Variants in NOTCH2 observed in about 807,000 individuals in gnomAD.
The protein encoded by NOTCH2 is neurogenic locus notch homolog protein 2.
A neutral mutation model predicts 235.8 loss-of-function variants in NOTCH2; 29 were observed. That is an observed-to-expected ratio of 0.12 (90% CI 0.09 to 0.17). NOTCH2 has a LOEUF of 0.17. NOTCH2 is among the 10% of genes least tolerant of loss of function. The pLI is 1.00. For missense variants in NOTCH2, 2,285 were observed against 3,150.2 expected (o/e 0.73, Z 6.57); for synonymous variants, 1,086 against 1,141.5 (o/e 0.95, Z 0.98).
chr1:119,959,322 A>T, intron 12 of NOTCH2, 70 bp downstream of exon 12: 1 of 861,582 alleles, frequency 1.2e-6, no homozygotes, highest in Non-Finnish European at 2.0e-6. Flanking sequence ...GAAAAGCAAT[A>T]TTCCTTTGGA....
At chr1:119,951,056 A>G (rs1553197745) in intron 14 of NOTCH2, among the ~76,000 whole-genome samples, 1 of 152,242 alleles carries the variant, frequency 6.6e-6, no homozygotes, top group Admixed American at 6.5e-5. Flanking sequence ...AAAACAGTCT[A>G]TTCTAATGAT....
intron 2 of NOTCH2, among the ~76,000 whole-genome samples, chr1:120,023,298 G>A (rs1391504359): frequency 1.1e-4 from 17 of 151,134 alleles, no homozygotes; most frequent in African/African-American, 3.6e-4. Flanking sequence ...TTAGCCGGGC[G>A]TGGTGGCGGG....
intron 33 of NOTCH2, among the ~76,000 whole-genome samples, chr1:119,917,370 T>C (rs1311941947): frequency 2.0e-5 from 3 of 152,056 alleles, no homozygotes; most frequent in Non-Finnish European, 4.4e-5. Flanking sequence ...GAAGTGATTA[T>C]GAACAGAAGA....
chr1:119,932,603 A>ATATCTAT (rs1649705606), intron 22 of NOTCH2, among the ~76,000 whole-genome samples: 1 of 138,088 alleles, frequency 7.2e-6, no homozygotes, highest in Non-Finnish European at 1.5e-5. Flanking sequence ...AAACAAACAA[A>ATATCTAT]CAAATATCTA....
chr1:119,944,732 A>G (rs1553196870), intron 17 of NOTCH2, among the ~76,000 whole-genome samples: 1 of 152,178 alleles, frequency 6.6e-6, no homozygotes, highest in East Asian at 1.9e-4. Context: ...GGATAGCTTT[A>G]AAGTGCTGAA....
rs1649454930 is a variant in NOTCH2 at position 119,925,810 on chromosome 1, C to G, written c.4006G>C (p.Gly1336Arg). 3 of 1,614,036 alleles carry G rather than the reference C, an allele frequency of 1.9e-6. No individual in the cohort carries two copies. The highest frequency in any genetic ancestry group is 2.5e-6 in the Non-Finnish European group (3 of 1,180,004). The change falls in exon 25 of 34, where the codon GGA (glycine) becomes CGA (arginine). Residue 1336 changes from glycine (G) to arginine (R), a missense_variant and splice_region_variant. By Grantham distance (125) the Gly-to-Arg change is moderately radical. This residue lies in a region of NOTCH2 where 1,173 missense variants were observed against 1,515.3 expected (regional missense o/e 0.77). Transcript: ENST00000256646. ...CTCTGGCACCTTGCCCCGGAAAATCCCTGTGGAAATCAGTGAGGAAATAAA... is the reference window on the plus strand; with the variant it reads ...CTCTGGCACCTTGCCCCGGAAAATCGCTGTGGAAATCAGTGAGGAAATAAA... Reference protein sequence around the residue: ...PDGFICRCPPGFSGARCQSSC... With the variant: ...PDGFICRCPPRFSGARCQSSC...
At chr1:119,976,680 T>G (rs1268313063) in intron 5 of NOTCH2, among the ~76,000 whole-genome samples, 2 of 152,138 alleles carry the variant, frequency 1.3e-5, no homozygotes, top group Non-Finnish European at 2.9e-5. Context: ...TGATGAATTA[T>G]TTTGCATTTA....
At chr1:119,968,646 G>A (rs184387614) in intron 6 of NOTCH2, among the ~76,000 whole-genome samples, 26 of 152,204 alleles carry the variant, frequency 1.7e-4, no homozygotes, top group African/African-American at 6.0e-4. Flanking sequence ...TATTTTATCC[G>A]GAATCCTACT....
chr1:119,971,553 G>A (rs1416834521), intron 5 of NOTCH2, among the ~76,000 whole-genome samples: 3 of 152,130 alleles, frequency 2.0e-5, no homozygotes, highest in Admixed American at 2.0e-4. Context: ...AGGCACAGTG[G>A]CTCACACCTG....
In NOTCH2 at chr1:119,920,348, C is replaced by T. The variant is rs1317975644; in HGVS notation, c.5360G>A (p.Arg1787Gln). ...LSEEDDPIDR[R>Q]PWTQQHLEAA... is the part of the protein sequence containing the mutation. ...TTCAAGGTGCTGCTGTGTCCATGGC[C>T]GTCGATCAATGGGGTCATCTTCTTC... Residue 1787 changes from arginine (R) to glutamine (Q), a missense_variant, in exon 30 of 34, where the codon CGG (arginine) becomes CAG (glutamine). By Grantham distance (43) the Arg-to-Gln change is conservative (BLOSUM62 1). Around this residue, in one of 6 missense-constraint regions of NOTCH2, gnomAD observed 1,173 missense variants for 1,515.3 expected, o/e 0.77. Coordinates refer to ENST00000256646, the MANE Select transcript of NOTCH2 (RefSeq NM_024408.4). 4.3e-6 allele frequency: 7 copies of T among 1,614,156 alleles called. No homozygotes were observed. Among genetic ancestry groups the T allele is most frequent in the African/African-American group, 1.3e-5 (1 of 75,022 alleles).
chr1:119,923,763 C>A lies in NOTCH2; in HGVS notation c.4733G>T (p.Arg1578Leu), dbSNP rs751299682. Residue 1578 changes from arginine to leucine, a missense_variant, in exon 26 of 34, where the codon CGC becomes CTC. This residue lies in a region of NOTCH2 where 1,173 missense variants were observed against 1,515.3 expected (regional missense o/e 0.77). Coordinates refer to ENST00000256646, the MANE Select transcript of NOTCH2 (RefSeq NM_024408.4). ...ALGTLLHTNL[R>L]IKRDSQGELM... ...TTCCCCCTGGGAGTCCCGCTTAATG[C>A]GCAGGTTGGTGTGGAGCAGGGTACC... 1.2e-6 allele frequency: 2 copies of A among 1,614,154 alleles called. No homozygotes were observed. The highest frequency in any genetic ancestry group is 2.2e-5 in the East Asian group (1 of 44,880).
Position 119,947,399 on chromosome 1 carries a change from C to T in NOTCH2, c.2752+1015G>A, listed in dbSNP as rs587773416. ...AACGAAGATAGGCAGATGGGCAAAG[C>T]ACACGAAATGATGCTTAACATCATT... On this transcript the variant is annotated intron_variant, in intron 17 of 33. Transcript: ENST00000256646. 2.0e-5 allele frequency among the ~76,000 whole-genome samples: 3 copies of T among 152,236 alleles called. No individual in the cohort carries two copies. In the East Asian group the frequency reaches 5.8e-4, roughly 29 times the overall value.
Position 119,920,296 on chromosome 1 carries a change from C to G in NOTCH2, c.5412G>C (p.Ser1804=). The change falls in exon 30 of 34, where the codon TCG becomes TCC. Residue 1804 remains serine (S), a synonymous_variant. Transcript: ENST00000256646. The part of the protein sequence containing the change: ...LEAADIRRTP[S]LALTPPQAEQ... ...CTGCCTGAGGAGGGGTGAGAGCCAG[C>G]GATGGTGTCCTACGGATGTCTGCAG... 6.2e-7 allele frequency: 1 copy of G among 1,614,140 alleles called. No homozygotes were observed. Among genetic ancestry groups the G allele is most frequent in the Non-Finnish European group, 8.5e-7 (1 of 1,180,004 alleles).
chr1:120,041,041 CAAAAAAAA>C (rs71586698), intron 1 of NOTCH2, among the ~76,000 whole-genome samples: 5 of 15,658 alleles, frequency 3.2e-4, no homozygotes, highest in African/African-American at 1.1e-3. Flanking sequence ...ACTCTGCCTG[CAAAAAAAA>C]AAAAAAAAAA....
intron 12 of NOTCH2, among the ~76,000 whole-genome samples, chr1:119,956,666 T>A (rs1650712927): frequency 1.3e-5 from 2 of 152,226 alleles, no homozygotes; most frequent in Admixed American, 6.5e-5. Context: ...AACCACACAG[T>A]TAGCCTCGGC....
chr1:119,957,641 A>G (rs754207430), intron 12 of NOTCH2, among the ~76,000 whole-genome samples: 30 of 152,164 alleles, frequency 2.0e-4, no homozygotes, highest in Non-Finnish European at 3.4e-4. Flanking sequence ...TGAACAGGGG[A>G]CCACCTAGTA....
At chr1:120,003,816 T>C (rs1652856463) in intron 3 of NOTCH2, among the ~76,000 whole-genome samples, 2 of 150,956 alleles carry the variant, frequency 1.3e-5, no homozygotes, top group Non-Finnish European at 3.0e-5. Context: ...CATTGGACAA[T>C]CACCAGTTGT....
intron 25 of NOTCH2, among the ~76,000 whole-genome samples, chr1:119,924,351 C>T (rs587698466): frequency 6.6e-4 from 100 of 152,268 alleles, no homozygotes; most frequent in Non-Finnish European, 1.1e-3. Flanking sequence ...AAGGTAACAA[C>T]GGGCTTTAGG....
intron 17 of NOTCH2, among the ~76,000 whole-genome samples, chr1:119,942,229 C>G (rs587625740): frequency 1.3e-5 from 2 of 152,138 alleles, no homozygotes; most frequent in Admixed American, 6.5e-5. Flanking sequence ...ATTTCAGTAG[C>G]CTTATGAAAC....
Sources: gnomAD v4.1 joint callset for allele counts (sites outside exome capture counted in the v4.1 genomes callset) on GRCh38, gnomAD v4.1.1 for gene constraint, gnomAD v4.1.1 regional missense constraint, MANE v1.5 for transcripts, NCBI Gene and HGNC (gene_info 2026-07-23, HGNC 2026-07-21) for gene names.